SMCHD1: variants seen among roughly 807,000 people sequenced by gnomAD.
SMCHD1 encodes structural maintenance of chromosomes flexible hinge domain containing 1.
A neutral mutation model predicts 254.7 loss-of-function variants in SMCHD1; 78 were observed. The ratio of observed to expected loss-of-function variants is 0.31; its 90% CI spans 0.26 to 0.37. The LOEUF is 0.37. Among genes scored for constraint, SMCHD1 ranks in the 10% least tolerant of loss-of-function variants. SMCHD1 has a pLI of 1.00. For missense variants in SMCHD1, 1,840 were observed against 2,408.1 expected (o/e 0.76, Z 4.94); for synonymous variants, 766 against 794.9 (o/e 0.96, Z 0.61).
chr18:2,747,419 T>C, intron 29 of SMCHD1, 103 bp from the exon 30 acceptor site: 1 of 1,036,458 alleles, frequency 9.6e-7, no homozygotes, highest in Admixed American at 3.3e-5. Flanking sequence ...CATTTGCAAA[T>C]AGAACAGAGA....
Position 2,747,503 on chromosome 18 carries a change from A to G in SMCHD1, c.3802-19A>G. ...CCCATATATTTTAGTGTTTCTTAAA[A>G]TATTTCTATTCTTTTCAGTCCATTC... On this transcript the variant is annotated intron_variant, in intron 29 of 47. Transcript: ENST00000320876. 1 of 1,579,790 alleles carries G rather than the reference A, an allele frequency of 6.3e-7. No homozygotes were observed. The highest frequency in any genetic ancestry group is 8.6e-7 in the Non-Finnish European group (1 of 1,159,270).
chr18:2,695,391 C>G (rs2074265176), intron 8 of SMCHD1, among the ~76,000 whole-genome samples: 1 of 151,358 alleles, frequency 6.6e-6, no homozygotes, highest in African/African-American at 2.4e-5. Context: ...CTCACTGCAA[C>G]CACCACCTCC....
intron 34 of SMCHD1, among the ~76,000 whole-genome samples, chr18:2,756,176 T>C (rs2075674485): frequency 6.6e-6 from 1 of 152,230 alleles, no homozygotes; most frequent in African/African-American, 2.4e-5. Context: ...AGTACATTAG[T>C]TTTCTGAATG....
At chr18:2,750,599 A>G (rs562916095) in intron 32 of SMCHD1, 92 bp downstream of exon 32, 10 of 1,017,306 alleles carry the variant, frequency 9.8e-6, no homozygotes, top group African/African-American at 1.6e-5. Context: ...AAGTGTGCTC[A>G]GTCTAATGTA....
In SMCHD1 at chr18:2,718,360, T is replaced by G. The variant is rs1480135119; in HGVS notation, c.2384T>G (p.Val795Gly). 2 of 1,612,132 alleles carry G rather than the reference T, an allele frequency of 1.2e-6. No homozygotes were observed. The change falls in exon 19 of 48, where the codon GTG becomes GGG. Residue 795 changes from valine to glycine, a missense_variant. Physicochemically the swap from Val to Gly is moderately radical, Grantham distance 109. Coordinates refer to ENST00000320876, the MANE Select transcript of SMCHD1 (RefSeq NM_015295.3). The surrounding 1 kb of genome is among the most constrained non-coding windows in gnomAD (Gnocchi z 4.6). ...AATTATACCTTGAAATTACAAGTTGTGTTGAATGAAAGTAATGCAGACACT... is the reference window on the plus strand; with the variant it reads ...AATTATACCTTGAAATTACAAGTTGGGTTGAATGAAAGTAATGCAGACACT... ...LGNYTLKLQVVLNESNADTYA... is the reference protein window; with the variant it reads ...LGNYTLKLQVGLNESNADTYA...
chr18:2,665,846 A>G (rs897059244), intron 1 of SMCHD1, among the ~76,000 whole-genome samples: 2 of 152,186 alleles, frequency 1.3e-5, no homozygotes, highest in Admixed American at 6.5e-5. Context: ...ATGAAATACT[A>G]TGTCTTTTGT....
chr18:2,679,930 GC>G (rs1484091753), intron 5 of SMCHD1, among the ~76,000 whole-genome samples: 1 of 151,750 alleles, frequency 6.6e-6, no homozygotes, highest in African/African-American at 2.4e-5. Context: ...ATTTCAATCA[GC>G]CTACCTTCAA....
Position 2,666,940 on chromosome 18 carries a change from G to A in SMCHD1, c.333G>A (p.Thr111=), listed in dbSNP as rs761171049. The A allele has an allele frequency of 7.1e-5, 114 of 1,612,456 alleles. No individual in the cohort carries two copies. Among genetic ancestry groups the A allele is most frequent in the Admixed American group, 1.8e-4 (11 of 59,796 alleles). Residue 111 remains threonine (T), a synonymous_variant, in exon 3 of 48, where the codon ACG becomes ACA. Transcript: ENST00000320876. ...TCAATCAGTTACTACTGACAGCTACGAAAGAACGAATTGACTTCTTACCTC... is the reference window on the plus strand; with the variant it reads ...TCAATCAGTTACTACTGACAGCTACAAAAGAACGAATTGACTTCTTACCTC... ...QSVNQLLLTA[T]KERIDFLPHY...
At chr18:2,775,696 G>T (rs544959035) in intron 41 of SMCHD1, 38 bp from the exon 42 acceptor site, 3 of 1,542,466 alleles carry the variant, frequency 1.9e-6, no homozygotes, top group Non-Finnish European at 2.6e-6. Context: ...TTTATATATG[G>T]ATTTTATATT....
rs74378151 is a variant in SMCHD1 at position 2,734,140 on chromosome 18, A to G, written c.3276+1648A>G. On this transcript the variant is annotated intron_variant, in intron 25 of 47. Coordinates refer to ENST00000320876, the MANE Select transcript of SMCHD1 (RefSeq NM_015295.3). ...TTCTAGCCAGCTTTTTTTCCCCTTC[A>G]TAATGAGGGAAGAGAGAATTGAGAT... 8.6e-3 allele frequency among the ~76,000 whole-genome samples: 1,311 copies of G among 152,316 alleles called. 17 individuals are homozygous for G. The highest frequency in any genetic ancestry group is 0.029 in the African/African-American group (1,213 of 41,576).
At chr18:2,799,282 C>T (rs1334090118) in intron 47 of SMCHD1, among the ~76,000 whole-genome samples, 8 of 151,900 alleles carry the variant, frequency 5.3e-5, no homozygotes, top group Non-Finnish European at 1.5e-5. Context: ...AATACAAAGT[C>T]TTCACAATTC....
intron 23 of SMCHD1, 192 bp downstream of exon 23, chr18:2,728,788 G>T: frequency 4.0e-6 from 2 of 496,388 alleles, no homozygotes; most frequent in Non-Finnish European, 6.7e-6. Context: ...TGCCAACTGT[G>T]CCCAGTTTCA....
intron 36 of SMCHD1, among the ~76,000 whole-genome samples, chr18:2,763,163 T>C (rs1481603831): frequency 6.6e-6 from 1 of 152,232 alleles, no homozygotes; most frequent in East Asian, 1.9e-4. Context: ...TCCCAAAACA[T>C]CTTGTTGGGG....
chr18:2,687,752 T>G (rs147032073), intron 5 of SMCHD1, among the ~76,000 whole-genome samples: 1 of 152,358 alleles, frequency 6.6e-6, no homozygotes, highest in East Asian at 1.9e-4. Flanking sequence ...CTTTGTTTCC[T>G]GTGGTTACGT....
At chr18:2,764,017 G>A (rs2075828554) in intron 37 of SMCHD1, 1 of 404,014 alleles carries the variant, frequency 2.5e-6, no homozygotes, top group African/African-American at 2.1e-5. Flanking sequence ...TCTGATTCTA[G>A]TTGTTTTTAA....
intron 7 of SMCHD1, 31 bp from the exon 8 acceptor site, chr18:2,694,496 T>C (rs1207585585): frequency 1.4e-6 from 2 of 1,466,406 alleles, no homozygotes; most frequent in Admixed American, 4.8e-5. Flanking sequence ...TTAGATGATT[T>C]AATCTGTTGT....
intron 45 of SMCHD1, among the ~76,000 whole-genome samples, chr18:2,793,081 T>C (rs957489058): frequency 2.0e-5 from 3 of 152,224 alleles, no homozygotes; most frequent in African/African-American, 4.8e-5. Context: ...CTTCGAATTA[T>C]GTGGAGCACA....
intron 27 of SMCHD1, among the ~76,000 whole-genome samples, chr18:2,739,815 G>GGAC (rs1449972492): frequency 6.6e-6 from 1 of 152,100 alleles, no homozygotes; most frequent in Non-Finnish European, 1.5e-5. Flanking sequence ...GCTTGGCATG[G>GGAC]TACACATGCC....
At chr18:2,786,434 G>C (rs1179434469) in intron 45 of SMCHD1, among the ~76,000 whole-genome samples, 3 of 152,096 alleles carry the variant, frequency 2.0e-5, no homozygotes, top group Non-Finnish European at 4.4e-5. Flanking sequence ...GCTCACACCT[G>C]TAATCCCAGC....
Sources: allele counts gnomAD v4.1 joint callset (sites outside exome capture counted in the v4.1 genomes callset), GRCh38; gene constraint gnomAD v4.1.1; non-coding constraint Gnocchi (gnomAD v3.1); transcripts MANE v1.5; gene names NCBI Gene and HGNC (gene_info 2026-07-23, HGNC 2026-07-21).